Variants in UBE2V2 observed in about 807,000 individuals in gnomAD.
UBE2V2 encodes the protein ubiquitin conjugating enzyme E2 V2.
A neutral mutation model predicts 17.2 loss-of-function variants in UBE2V2; 9 were observed. The ratio of observed to expected loss-of-function variants is 0.52; its 90% confidence interval spans 0.32 to 0.91. The LOEUF (loss-of-function observed/expected upper bound fraction) is 0.91, where lower values mean the gene tolerates loss of function less well. Ranked by LOEUF, UBE2V2 falls within the 40% of genes least tolerant of loss-of-function variation. The pLI, the probability that UBE2V2 is intolerant of heterozygous loss-of-function variation, is 0.04. For synonymous variants in UBE2V2, 61 were observed against 57.5 expected (o/e 1.06, Z -0.28); for missense variants, 133 against 182.6 (o/e 0.73, Z 1.56).
chr8:48,032,875 G>A (rs570654584), intron 1 of UBE2V2, among the ~76,000 whole-genome samples: 12 of 152,182 alleles, frequency 7.9e-5, no homozygotes, highest in African/African-American at 1.4e-4. Context: ...GAAACAGCCA[G>A]TGGGGGTTAT....
chr8:48,039,603 A>G (rs563219276), intron 1 of UBE2V2, among the ~76,000 whole-genome samples: 1 of 151,948 alleles, frequency 6.6e-6, no homozygotes, highest in Non-Finnish European at 1.5e-5. Flanking sequence ...ATCCTTTTTC[A>G]GTCTGTGGCT....
chr8:48,059,419 T>TC (rs1225280576), intron 3 of UBE2V2, among the ~76,000 whole-genome samples: 9 of 151,982 alleles, frequency 5.9e-5, no homozygotes, highest in African/African-American at 1.9e-4. Flanking sequence ...TCCTGCTTTT[T>TC]TTTTTTGGAG....
intron 1 of UBE2V2, among the ~76,000 whole-genome samples, chr8:48,022,449 A>G (rs1328274553): frequency 6.6e-6 from 1 of 152,026 alleles, no homozygotes; most frequent in Non-Finnish European, 1.5e-5. Flanking sequence ...ATCTTTTTAT[A>G]TTGCATATTC....
At chr8:48,040,844 G>GTTTTTTTT (rs71225699) in intron 1 of UBE2V2, among the ~76,000 whole-genome samples, 53 of 74,120 alleles carry the variant, frequency 7.2e-4, no homozygotes, top group Admixed American at 1.1e-3. Context: ...GCCAGGCTGG[G>GTTTTTTTT]TTTTTTTTTT....
intron 1 of UBE2V2, among the ~76,000 whole-genome samples, chr8:48,041,189 T>A (rs1230118707): frequency 1.3e-5 from 2 of 149,220 alleles, no homozygotes; most frequent in South Asian, 2.1e-4. Context: ...TTTTTTTTTT[T>A]AAGACAGAGT....
intron 2 of UBE2V2, among the ~76,000 whole-genome samples, chr8:48,044,780 C>T (rs2091487070): frequency 6.6e-6 from 1 of 152,150 alleles, no homozygotes; most frequent in Non-Finnish European, 1.5e-5. Context: ...TTCTGACTTA[C>T]TGATTTGAAG....
intron 1 of UBE2V2, among the ~76,000 whole-genome samples, chr8:48,028,724 G>A (rs922146203): frequency 1.3e-5 from 2 of 152,140 alleles, no homozygotes; most frequent in Non-Finnish European, 2.9e-5. Context: ...GACCTCAAGT[G>A]ATCTGCCTAC....
At chr8:48,039,530 G>A (rs1254866605) in intron 1 of UBE2V2, among the ~76,000 whole-genome samples, 3 of 152,040 alleles carry the variant, frequency 2.0e-5, no homozygotes, top group Non-Finnish European at 4.4e-5. Context: ...TTTCCTTGTT[G>A]ATTTCTAGGA....
chr8:48,060,013 C>G (rs1260695968), intron 3 of UBE2V2, among the ~76,000 whole-genome samples: 1 of 151,826 alleles, frequency 6.6e-6, no homozygotes, highest in African/African-American at 2.4e-5. Context: ...CAAGACCAGT[C>G]TGGGCAACAT....
chr8:48,019,115 C>G (rs1209501491), intron 1 of UBE2V2, among the ~76,000 whole-genome samples: 1 of 152,024 alleles, frequency 6.6e-6, no homozygotes, highest in Non-Finnish European at 1.5e-5. Context: ...ACCTGTAATC[C>G]CAGCACTTTG....
chr8:48,023,714 A>T (rs2091320554), intron 1 of UBE2V2, among the ~76,000 whole-genome samples: 1 of 151,988 alleles, frequency 6.6e-6, no homozygotes, highest in Non-Finnish European at 1.5e-5. Context: ...TCTATTAAAA[A>T]TGCAAAAAAA....
intron 1 of UBE2V2, among the ~76,000 whole-genome samples, chr8:48,027,281 A>G (rs1430171485): frequency 6.6e-6 from 1 of 152,120 alleles, no homozygotes; most frequent in African/African-American, 2.4e-5. Flanking sequence ...GATTACAGGC[A>G]TGAGCCACTC....
intron 1 of UBE2V2, among the ~76,000 whole-genome samples, chr8:48,021,362 A>C (rs1299857270): frequency 1.5e-5 from 2 of 137,784 alleles, no homozygotes; most frequent in African/African-American, 2.8e-5. Flanking sequence ...GCTGGAGTGC[A>C]GTGGTGCAAT....
At chr8:48,003,815 T>A (rs2091167365), upstream of UBE2V2, among the ~76,000 whole-genome samples, 1 of 152,030 alleles carries the variant, frequency 6.6e-6, no homozygotes, top group Non-Finnish European at 1.5e-5. Context: ...GAGGACAGGA[T>A]GTTGAAAGGT....
chr8:47,998,676 G>A, the UBE2V2 span, among the ~76,000 whole-genome samples: 1 of 151,710 alleles, frequency 6.6e-6, no homozygotes, highest in Non-Finnish European at 1.5e-5. Flanking sequence ...GGGAGGGAGG[G>A]GGAGAGAGAG....
intron 2 of UBE2V2, among the ~76,000 whole-genome samples, chr8:48,048,249 A>T (rs992800360): frequency 6.6e-6 from 1 of 152,206 alleles, no homozygotes; most frequent in Non-Finnish European, 1.5e-5. Flanking sequence ...TGAGCAATTC[A>T]GTTGTGTTAT....
At chr8:48,026,094 C>CT (rs894626758) in intron 1 of UBE2V2, among the ~76,000 whole-genome samples, 152 of 146,238 alleles carry the variant, frequency 1.0e-3, no homozygotes, top group East Asian at 3.9e-3. Context: ...CTGTTCCTTT[C>CT]TTTTTTTTTT....
Position 48,010,882 on chromosome 8 carries a change from A to T in UBE2V2, c.16+2412A>T, listed in dbSNP as rs79117088. ...CCAGCAAATTTTTTTGTATATATATATTTTTTTTGTATTTTTTTTTTTTTT... is the reference window on the plus strand; with the variant it reads ...CCAGCAAATTTTTTTGTATATATATTTTTTTTTTGTATTTTTTTTTTTTTT... On this transcript the variant is annotated intron_variant, in intron 1 of 3. Transcript: ENST00000523111. 1.8e-3 allele frequency among the ~76,000 whole-genome samples: 242 copies of T among 131,634 alleles called. 1 individual carries two copies. The highest frequency in any genetic ancestry group is 7.0e-3 in the East Asian group (30 of 4,300). The allele number at this position is 131,634 out of a possible 152,430, so 86.4% of individuals were successfully genotyped here.
At chr8:48,023,246 T>C (rs1427240773) in intron 1 of UBE2V2, among the ~76,000 whole-genome samples, 1 of 151,722 alleles carries the variant, frequency 6.6e-6, no homozygotes, top group Non-Finnish European at 1.5e-5. Context: ...AGACAGAGTA[T>C]TGCTCTATCG....
Sources: gnomAD v4.1 joint callset for allele counts (sites outside exome capture counted in the v4.1 genomes callset) on GRCh38, gnomAD v4.1.1 for gene constraint, MANE v1.5 for transcripts, NCBI Gene and HGNC (gene_info 2026-07-23, HGNC 2026-07-21) for gene names.